Variants in NFYC observed in about 807,000 individuals in gnomAD.
The protein encoded by NFYC is CAAT box DNA-binding protein subunit C.
NFYC carries 25 observed loss-of-function variants against 53.1 expected under a neutral mutation model. That is an observed-to-expected ratio of 0.47 (90% CI 0.34 to 0.66). NFYC has a LOEUF of 0.66. Among genes scored for constraint, NFYC ranks in the 30% least tolerant of loss-of-function variants. The probability of loss-of-function intolerance (pLI) is 0.01; values close to 1 mark genes in which losing one functional copy is unlikely to be tolerated. For missense variants in NFYC, 260 were observed against 422.7 expected, an observed-to-expected ratio of 0.62 and a Z score of 3.38; for synonymous variants, 145 against 152.6, an observed-to-expected ratio of 0.95 and a Z score of 0.37.
At position 40,691,715 on chromosome 1, in the gene NFYC, GGCC is replaced by G. The variant is rs1188867389; in HGVS notation, c.-157_-155del. Reference sequence around the variant, plus strand: ...AAAGGGGAAACGGTGCAAACGGCGTGGCCGCCATCTTGCTTGTGCCCCCGCTTC... The same window carrying G: ...AAAGGGGAAACGGTGCAAACGGCGTGGCCATCTTGCTTGTGCCCCCGCTTC... On this transcript the variant is annotated 5_prime_UTR_variant, in exon 1 of 10. Coordinates refer to ENST00000447388, the MANE Select transcript of NFYC (RefSeq NM_014223.5). 2 of 454,304 alleles carry G rather than the reference GGCC, an allele frequency of 4.4e-6. No individual in the cohort carries two copies. The highest frequency in any genetic ancestry group is 7.2e-5 in the East Asian group (1 of 13,986). 28.1% of individuals were successfully genotyped at this position (454,304 alleles called of 1,614,324 possible). A position where few individuals can be genotyped will look rare whatever the true frequency, so the allele number is the denominator to read the frequency against.
chr1:40,703,814 A>G (rs1285220165), intron 1 of NFYC, among the ~76,000 whole-genome samples: 1 of 152,210 alleles, frequency 6.6e-6, no homozygotes, highest in Non-Finnish European at 1.5e-5. Flanking sequence ...GGCACCTACC[A>G]CATTCCAGAT....
At chr1:40,729,624 C>G (rs916958907) in intron 1 of NFYC, among the ~76,000 whole-genome samples, 1 of 151,350 alleles carries the variant, frequency 6.6e-6, no homozygotes, top group Non-Finnish European at 1.5e-5. Context: ...TCTTTGCAGT[C>G]ACAGCTTGGG....
intron 1 of NFYC, among the ~76,000 whole-genome samples, chr1:40,696,269 C>T (rs1016611634): frequency 3.3e-5 from 5 of 151,984 alleles, no homozygotes; most frequent in Non-Finnish European, 7.3e-5. Context: ...GTGATCCGCC[C>T]TCTTCGGCCT....
intron 1 of NFYC, chr1:40,712,833 C>A (rs1481364549): frequency 6.6e-6 from 1 of 151,424 alleles, no homozygotes; most frequent in East Asian, 1.9e-4. Flanking sequence ...CATGTGCCAC[C>A]GTGCCCAACT....
chr1:40,722,848 A>G (rs536704589), intron 1 of NFYC, among the ~76,000 whole-genome samples: 1 of 152,200 alleles, frequency 6.6e-6, no homozygotes, highest in Non-Finnish European at 1.5e-5. Context: ...CTGAGTATTC[A>G]TAGGTGCTGC....
At chr1:40,765,733 C>G (rs536330135) in intron 7 of NFYC, among the ~76,000 whole-genome samples, 1 of 152,200 alleles carries the variant, frequency 6.6e-6, no homozygotes, top group Non-Finnish European at 1.5e-5. Context: ...ATCATCTTTG[C>G]TGAGCTACAG....
intron 5 of NFYC, 91 bp from the exon 6 acceptor site, chr1:40,758,030 C>T: frequency 1.4e-6 from 2 of 1,435,486 alleles, no homozygotes; most frequent in Non-Finnish European, 1.9e-6. Context: ...GGCAACTGCA[C>T]ATAGCCTGTT....
intron 1 of NFYC, among the ~76,000 whole-genome samples, chr1:40,708,154 A>G (rs1188887114): frequency 6.6e-6 from 1 of 152,026 alleles, no homozygotes; most frequent in East Asian, 1.9e-4. Context: ...GCGATTATTT[A>G]AAGTATGGAG....
intron 1 of NFYC, among the ~76,000 whole-genome samples, chr1:40,702,358 T>C (rs1412216807): frequency 6.8e-6 from 1 of 147,890 alleles, no homozygotes; most frequent in Non-Finnish European, 1.5e-5. Flanking sequence ...TTTTTTTTTT[T>C]TCGAGAGGGA....
chr1:40,720,713 TA>T (rs1035260068), intron 1 of NFYC, among the ~76,000 whole-genome samples: 43 of 152,158 alleles, frequency 2.8e-4, no homozygotes, highest in African/African-American at 9.9e-4. Context: ...CAAAAAATTT[TA>T]AAAATTAGCC....
intron 1 of NFYC, chr1:40,735,664 A>G (rs1391985369): frequency 3.0e-6 from 3 of 985,284 alleles, no homozygotes; most frequent in Non-Finnish European, 3.6e-6. Flanking sequence ...CGTCCTGGCA[A>G]TTGTGCATCT....
intron 2 of NFYC, among the ~76,000 whole-genome samples, chr1:40,740,690 G>GT (rs1645290801): frequency 6.6e-6 from 1 of 152,184 alleles, no homozygotes; most frequent in Non-Finnish European, 1.5e-5. Flanking sequence ...AGGATGGGGT[G>GT]TTTTGTTCAT....
intron 1 of NFYC, among the ~76,000 whole-genome samples, chr1:40,732,504 C>CT (rs1644818973): frequency 6.6e-6 from 1 of 152,104 alleles, no homozygotes; most frequent in Non-Finnish European, 1.5e-5. Context: ...TCATTTTTTT[C>CT]TTTAAGAATG....
chr1:40,702,649 A>G (rs1643495785), intron 1 of NFYC, among the ~76,000 whole-genome samples: 1 of 151,650 alleles, frequency 6.6e-6, no homozygotes, highest in African/African-American at 2.4e-5. Flanking sequence ...GCCTATCTTC[A>G]GAACTTCTAT....
At chr1:40,742,823 CCTCTT>C (rs1218179935) in intron 2 of NFYC, among the ~76,000 whole-genome samples, 1 of 152,106 alleles carries the variant, frequency 6.6e-6, no homozygotes, top group Non-Finnish European at 1.5e-5. Flanking sequence ...CTTATTTTCC[CCTCTT>C]CTCAGGAGTG....
At chr1:40,712,658 C>CTTTTTTTTTTTTT (rs3081775) in intron 1 of NFYC, 2 of 71,024 alleles carry the variant, frequency 2.8e-5, no homozygotes, top group African/African-American at 5.8e-5. Context: ...GGATTAATGC[C>CTTTTTTTTTTTTT]TTTTTTTTTT....
At chr1:40,764,276 G>A (rs924080465) in intron 7 of NFYC, among the ~76,000 whole-genome samples, 5 of 152,202 alleles carry the variant, frequency 3.3e-5, no homozygotes, top group African/African-American at 1.2e-4. Context: ...CACTTCCTCT[G>A]TGAAAATAAC....
chr1:40,758,637 G>A (rs1280530094), intron 6 of NFYC, among the ~76,000 whole-genome samples: 1 of 152,212 alleles, frequency 6.6e-6, no homozygotes, highest in African/African-American at 2.4e-5. Context: ...CTGTCTGTGT[G>A]TCTGTGTGAG....
At position 40,691,739 on chromosome 1, in the gene NFYC, G is replaced by A. The variant is rs761617734; in HGVS notation, c.-137G>A. ...TGGCCGCCATCTTGCTTGTGCCCCC[G>A]CTTCGCGCGCGCTCCGTTCTCCGTG... On this transcript the variant is annotated 5_prime_UTR_variant, in exon 1 of 10. Coordinates refer to ENST00000447388, the MANE Select transcript of NFYC (RefSeq NM_014223.5). The A allele has an allele frequency of 1.3e-5, 6 of 455,366 alleles. No homozygotes were observed. In the East Asian group the frequency reaches 2.8e-4, roughly 21 times the overall value. The allele number at this position is 455,366 out of a possible 1,614,324, so 28.2% of individuals were successfully genotyped here.
Sources: gnomAD v4.1 joint callset for allele counts (sites outside exome capture counted in the v4.1 genomes callset) on GRCh38, gnomAD v4.1.1 for gene constraint, MANE v1.5 for transcripts, NCBI Gene and HGNC (gene_info 2026-07-23, HGNC 2026-07-21) for gene names.